The following BET1 variants were observed in gnomAD, a reference collection of about 807,000 sequenced individuals.
The protein encoded by BET1 is BET1 homolog.
Under a neutral mutation model 13.9 loss-of-function variants are expected in BET1, and 9 were observed. That is an observed-to-expected ratio of 0.65 (90% CI 0.39 to 1.13). BET1 has a LOEUF of 1.13. Among genes scored for constraint, BET1 ranks in the 50% most tolerant of loss-of-function variants. BET1 has a pLI of 0.01. For missense variants in BET1, 127 were observed against 133.6 expected (o/e 0.95, Z 0.24); for synonymous variants, 39 against 47.3 (o/e 0.82, Z 0.72).
At chr7:93,967,479 T>C (rs1584121117) in intron 6 of BET1, among the ~76,000 whole-genome samples, 1 of 151,826 alleles carries the variant, frequency 6.6e-6, no homozygotes, top group Non-Finnish European at 1.5e-5. Context: ...TCAATTCTCA[T>C]AGGATGAGAT....
chr7:93,989,159 G>A (rs1400655615), downstream of BET1, among the ~76,000 whole-genome samples: 3 of 151,202 alleles, frequency 2.0e-5, no homozygotes, highest in Admixed American at 6.6e-5. Flanking sequence ...GATTACAGAT[G>A]CCCGCCACCA....
downstream of BET1, chr7:93,992,938 G>A: frequency 1.0e-6 from 1 of 985,388 alleles, no homozygotes; most frequent in Non-Finnish European, 1.2e-6. Flanking sequence ...AGTTCCGGTG[G>A]TTTTAACCTG....
chr7:94,004,316 G>A lies in BET1; in HGVS notation c.-100C>T. 11 of 1,508,932 alleles carry A rather than the reference G, an allele frequency of 7.3e-6. No individual in the cohort carries two copies. The highest frequency in any genetic ancestry group is 1.0e-5 in the Non-Finnish European group (11 of 1,086,102). The allele number at this position is 1,508,932 out of a possible 1,614,324, so 93.5% of individuals were successfully genotyped here. A position where few individuals can be genotyped will look rare whatever the true frequency, so the allele number is the denominator to read the frequency against. On this transcript the variant is annotated 5_prime_UTR_variant, in exon 1 of 4. Coordinates refer to ENST00000222547, the MANE Select transcript of BET1 (RefSeq NM_005868.6). ...CGCGTCTTCAGTACCAGGGCCCAGC[G>A]AAACACCAACTTCTTCCCCTAAAGC...
At chr7:93,994,887 A>T (rs1795728817) in intron 3 of BET1, among the ~76,000 whole-genome samples, 1 of 152,212 alleles carries the variant, frequency 6.6e-6, no homozygotes, top group Non-Finnish European at 1.5e-5. Context: ...CTCGTTGCCC[A>T]GGCTGGAGTG....
chr7:93,999,696 T>A (rs759488160), intron 1 of BET1: 4 of 456,616 alleles, frequency 8.8e-6, no homozygotes, highest in Middle Eastern at 3.3e-4. Flanking sequence ...AAGGGAAAAG[T>A]GGTTAATACA....
intron 4 of BET1, among the ~76,000 whole-genome samples, chr7:93,986,872 C>T (rs1795536292): frequency 6.6e-6 from 1 of 152,108 alleles, no homozygotes; most frequent in African/African-American, 2.4e-5. Context: ...TTCAGATACA[C>T]AAATACTTCC....
In BET1 at chr7:93,975,847, C is replaced by T. The variant is rs535679687; in HGVS notation, c.*48+57G>A. ...ATGCTCAATCACACCTGCCAGATAA[C>T]GATTTTTAATTTTCAAAATATTATG... On this transcript the variant is annotated intron_variant and NMD_transcript_variant, in intron 5 of 6. Transcript: ENST00000357520. 35 of 891,010 alleles carry T rather than the reference C, an allele frequency of 3.9e-5. No individual in the cohort carries two copies. In the South Asian group the frequency reaches 4.4e-4, roughly 11 times the overall value. The allele number at this position is 891,010 out of a possible 1,614,324, so 55.2% of individuals were successfully genotyped here.
downstream of BET1, chr7:93,992,250 C>CA (rs1338483208): frequency 1.0e-6 from 1 of 985,124 alleles, no homozygotes; most frequent in Non-Finnish European, 1.2e-6. Flanking sequence ...ACTTTTATAC[C>CA]ACCCAAAATC....
chr7:93,993,478 C>A lies in BET1; in HGVS notation c.*752G>T. 6 of 981,392 alleles carry A rather than the reference C, an allele frequency of 6.1e-6. No individual in the cohort carries two copies. The highest frequency in any genetic ancestry group is 7.3e-6 in the Non-Finnish European group (6 of 824,594). The allele number at this position is 981,392 out of a possible 1,614,324, so 60.8% of individuals were successfully genotyped here. ...CATTTAAAGTTCAGTAATTACTTAA[C>A]TTCACATTATTCTGTCACAAATGAT... On this transcript the variant is annotated 3_prime_UTR_variant, in exon 4 of 4. Coordinates refer to ENST00000222547, the MANE Select transcript of BET1 (RefSeq NM_005868.6).
rs551160355 is a variant in BET1 at position 94,000,773 on chromosome 7, T to C, written c.20-1479A>G. Reference sequence around the variant, plus strand: ...GAAGATCTGGATTATGGGGATTAGATTGGACAGATATTAAAGCAGATTCAA... The same window carrying C: ...GAAGATCTGGATTATGGGGATTAGACTGGACAGATATTAAAGCAGATTCAA... On this transcript the variant is annotated intron_variant, in intron 1 of 3. Coordinates refer to ENST00000222547, the MANE Select transcript of BET1 (RefSeq NM_005868.6). Among the ~76,000 whole-genome samples, 3 of 152,180 alleles carry C rather than the reference T, an allele frequency of 2.0e-5. No homozygotes were observed. In the East Asian group the frequency reaches 5.8e-4, roughly 29 times the overall value.
intron 4 of BET1, among the ~76,000 whole-genome samples, chr7:93,978,103 ACT>A (rs1013427367): frequency 6.7e-6 from 1 of 150,040 alleles, no homozygotes; most frequent in Non-Finnish European, 1.5e-5. Flanking sequence ...ACAGGGTGTC[ACT>A]CTGTTGCCCA....
chr7:93,990,832 C>CT (rs1795619147), downstream of BET1, among the ~76,000 whole-genome samples: 1 of 150,062 alleles, frequency 6.7e-6, no homozygotes, highest in East Asian at 1.9e-4. Context: ...CTAGTATATG[C>CT]TTGTTTTTTT....
chr7:93,976,021 C>T, exon 5 of BET1: 1 of 1,280,434 alleles, frequency 7.8e-7, no homozygotes, highest in Non-Finnish European at 1.0e-6. Context: ...AGCTTCTGGA[C>T]AAATGCTGAG....
exon 7 of BET1, chr7:93,964,663 A>T (rs1299562267): frequency 6.6e-6 from 1 of 152,112 alleles, no homozygotes; most frequent in African/African-American, 2.4e-5. Context: ...AAAGGATGTG[A>T]ACAGACACTT....
At chr7:93,965,151 T>C (rs1253347238) in exon 7 of BET1, 8 of 152,116 alleles carry the variant, frequency 5.3e-5, no homozygotes, top group Admixed American at 5.2e-4. Context: ...CACTGCCTCG[T>C]TCACTGCTGG....
At chr7:93,985,982 GTTT>G (rs1373635587) in intron 4 of BET1, among the ~76,000 whole-genome samples, 1 of 152,124 alleles carries the variant, frequency 6.6e-6, no homozygotes, top group Non-Finnish European at 1.5e-5. Flanking sequence ...AGATTTAAAT[GTTT>G]TTATCTTTTT....
Position 93,976,000 on chromosome 7 carries a change from CCTT to C in BET1, c.333_335del (p.Arg113del), listed in dbSNP as rs1179517318. 7 of 1,279,594 alleles carry C rather than the reference CCTT, an allele frequency of 5.5e-6. No homozygotes were observed. In the South Asian group the frequency reaches 6.3e-5, roughly 11 times the overall value. The allele number at this position is 1,279,594 out of a possible 1,614,324, so 79.3% of individuals were successfully genotyped here. A position where few individuals can be genotyped will look rare whatever the true frequency, so the allele number is the denominator to read the frequency against. ...GATAGATGGCACTGAAAGTAAGCCT[CCTT>C]CTTTTTAAGCTTCTGGACAAATGCT... On this transcript the variant is annotated inframe_deletion and NMD_transcript_variant, in exon 5 of 7. Transcript: ENST00000357520.
At chr7:94,004,079 T>C in intron 1 of BET1, 119 bp downstream of exon 1, 1 of 1,455,214 alleles carries the variant, frequency 6.9e-7, no homozygotes, top group Non-Finnish European at 9.6e-7. Flanking sequence ...AAAGATCCCC[T>C]CTAGACATCC....
chr7:93,988,073 G>A (rs1308844836), intron 4 of BET1, among the ~76,000 whole-genome samples: 1 of 152,154 alleles, frequency 6.6e-6, no homozygotes, highest in Non-Finnish European at 1.5e-5. Flanking sequence ...TATGGTCTCA[G>A]CACTGGAATT....
Sources: gnomAD v4.1 joint callset for allele counts (sites outside exome capture counted in the v4.1 genomes callset) on GRCh38, gnomAD v4.1.1 for gene constraint, MANE v1.5 for transcripts, NCBI Gene and HGNC (gene_info 2026-07-23, HGNC 2026-07-21) for gene names.